TTC27: variants seen among roughly 807,000 people sequenced by gnomAD.
TTC27 encodes the protein tetratricopeptide repeat protein 27.
A neutral mutation model predicts 115.9 loss-of-function variants in TTC27; 79 were observed. The observed-to-expected ratio is 0.68, with a 90% CI of 0.57 to 0.82. The LOEUF is 0.82. Ranked by LOEUF, TTC27 falls within the 40% of genes least tolerant of loss-of-function variation. The probability of loss-of-function intolerance (pLI) is 0.00; values close to 1 mark genes in which losing one functional copy is unlikely to be tolerated. For missense variants in TTC27, 1,054 were observed against 993.1 expected (o/e 1.06, Z -0.82); for synonymous variants, 401 against 356.0 (o/e 1.13, Z -1.42).
At chr2:32,670,981 T>G (rs1665994900) in intron 7 of TTC27, among the ~76,000 whole-genome samples, 1 of 152,152 alleles carries the variant, frequency 6.6e-6, no homozygotes, top group African/African-American at 2.4e-5. Flanking sequence ...GTTCTCCATA[T>G]TCTGGATGCA....
chr2:32,789,884 G>C (rs1389584878), intron 16 of TTC27, among the ~76,000 whole-genome samples: 1 of 119,200 alleles, frequency 8.4e-6, no homozygotes, highest in African/African-American at 3.3e-5. Flanking sequence ...TCACACCACT[G>C]TACCCCAGCC....
At chr2:32,700,594 G>GT (rs1667151649) in intron 9 of TTC27, among the ~76,000 whole-genome samples, 1 of 152,098 alleles carries the variant, frequency 6.6e-6, no homozygotes, top group Non-Finnish European at 1.5e-5. Context: ...TCGAAGTGCA[G>GT]TGGTGCAATC....
At chr2:32,680,666 T>C (rs189449532) in intron 9 of TTC27, among the ~76,000 whole-genome samples, 1 of 152,174 alleles carries the variant, frequency 6.6e-6, no homozygotes, top group East Asian at 1.9e-4. Context: ...AGGTGATGAA[T>C]GGTGACCTGG....
chr2:32,633,830 A>G (rs1247883445), intron 2 of TTC27, 46 bp from the exon 3 acceptor site: 1 of 1,577,268 alleles, frequency 6.3e-7, no homozygotes, highest in Admixed American at 1.7e-5. Flanking sequence ...GAGATTATAC[A>G]GTGATAGTAG....
chr2:32,657,208 A>G (rs1434302523), intron 5 of TTC27, among the ~76,000 whole-genome samples: 1 of 151,598 alleles, frequency 6.6e-6, no homozygotes, highest in Admixed American at 6.6e-5. Context: ...GATGGTCTCG[A>G]TCTCCTGACC....
intron 12 of TTC27, among the ~76,000 whole-genome samples, chr2:32,749,416 C>T (rs76280924): frequency 0.044 from 6,665 of 152,252 alleles, 189 homozygotes; most frequent in East Asian, 0.094. Context: ...GTATTCAAGA[C>T]TACTACAGAA....
At chr2:32,770,390 T>C (rs34987996) in intron 13 of TTC27, among the ~76,000 whole-genome samples, 12,537 of 152,292 alleles carry the variant, frequency 0.082, 627 homozygotes, top group Middle Eastern at 0.19. Context: ...AGCTTTCTGA[T>C]TCCAGAGCTC....
chr2:32,731,062 G>C (rs1161793972), intron 10 of TTC27, among the ~76,000 whole-genome samples: 1 of 152,074 alleles, frequency 6.6e-6, no homozygotes, highest in African/African-American at 2.4e-5. Flanking sequence ...CGTTGCGTGT[G>C]TATGTGTGGG....
chr2:32,801,675 C>G (rs536691094), intron 16 of TTC27, among the ~76,000 whole-genome samples: 51 of 152,282 alleles, frequency 3.3e-4, no homozygotes, highest in African/African-American at 1.2e-3. Flanking sequence ...CAGCGGTGTT[C>G]ATGAAGAGGG....
chr2:32,648,480 G>T, intron 4 of TTC27, among the ~76,000 whole-genome samples: 1 of 126,014 alleles, frequency 7.9e-6, no homozygotes, highest in African/African-American at 3.0e-5. Flanking sequence ...GTCTTACAGT[G>T]TTGCCCACCT....
intron 17 of TTC27, 92 bp downstream of exon 17, chr2:32,811,313 A>G (rs779560992): frequency 3.0e-5 from 36 of 1,204,592 alleles, no homozygotes; most frequent in East Asian, 1.3e-4. Flanking sequence ...GAGTTTAACA[A>G]TCTGAAAGAT....
chr2:32,793,058 G>A (rs1238877447), intron 16 of TTC27, among the ~76,000 whole-genome samples: 1 of 152,146 alleles, frequency 6.6e-6, no homozygotes, highest in Non-Finnish European at 1.5e-5. Context: ...AAATCAAGAT[G>A]TGGGTAAGGG....
intron 10 of TTC27, among the ~76,000 whole-genome samples, chr2:32,723,192 A>G (rs148422918): frequency 1.2e-3 from 181 of 152,316 alleles, no homozygotes; most frequent in Non-Finnish European, 2.1e-3. Flanking sequence ...CCAAGGAGGA[A>G]CAAACTTAAG....
At chr2:32,787,369 G>A (rs80231365) in intron 16 of TTC27, among the ~76,000 whole-genome samples, 4,728 of 152,190 alleles carry the variant, frequency 0.031, 102 homozygotes, top group East Asian at 0.096. Context: ...ATATTACTCT[G>A]ACTCAGTTAT....
intron 13 of TTC27, 35 bp downstream of exon 13, chr2:32,758,554 G>A (rs199522059): frequency 2.5e-5 from 40 of 1,582,230 alleles, no homozygotes; most frequent in East Asian, 2.0e-4. Flanking sequence ...TGCTCTCAGC[G>A]CTTGTGCTGT....
chr2:32,636,059 T>G (rs1429961185), intron 3 of TTC27, among the ~76,000 whole-genome samples: 1 of 152,148 alleles, frequency 6.6e-6, no homozygotes, highest in Non-Finnish European at 1.5e-5. Flanking sequence ...TATCTAGAAA[T>G]GTACTTAGGA....
chr2:32,653,108 T>C (rs1180200343), intron 5 of TTC27, among the ~76,000 whole-genome samples: 1 of 152,170 alleles, frequency 6.6e-6, no homozygotes, highest in Non-Finnish European at 1.5e-5. Flanking sequence ...ATACAACAAT[T>C]GATCATGGCA....
At chr2:32,688,305 A>G (rs1275275372) in intron 9 of TTC27, among the ~76,000 whole-genome samples, 1 of 152,144 alleles carries the variant, frequency 6.6e-6, no homozygotes, top group South Asian at 2.1e-4. Flanking sequence ...ATTGATCTCA[A>G]TGTTACAAAA....
chr2:32,748,431 G>A (rs2147980853), intron 12 of TTC27, among the ~76,000 whole-genome samples: 1 of 152,252 alleles, frequency 6.6e-6, no homozygotes, highest in East Asian at 1.9e-4. Flanking sequence ...TTCTTTAAAT[G>A]TCTGTTAGGT....
Sources: allele counts gnomAD v4.1 joint callset (sites outside exome capture counted in the v4.1 genomes callset), GRCh38; gene constraint gnomAD v4.1.1; transcripts MANE v1.5; gene names NCBI Gene and HGNC (gene_info 2026-07-23, HGNC 2026-07-21).